Variants in ERBIN observed in about 807,000 individuals in gnomAD.
The protein encoded by ERBIN is erbb2 interacting protein.
A neutral mutation model predicts 158.4 loss-of-function variants in ERBIN; 60 were observed. That is an observed-to-expected ratio of 0.38 (90% CI 0.31 to 0.47). The LOEUF is 0.47. Among genes scored for constraint, ERBIN ranks in the 20% least tolerant of loss-of-function variants. The pLI, the probability that ERBIN is intolerant of heterozygous loss-of-function variation, is 0.99. For synonymous variants in ERBIN, 594 were observed against 557.2 expected (o/e 1.07, Z -0.93); for missense variants, 1,610 against 1,648.0 (o/e 0.98, Z 0.40).
chr5:65,967,901 C>T (rs769778884), intron 1 of ERBIN, among the ~76,000 whole-genome samples: 3 of 152,102 alleles, frequency 2.0e-5, no homozygotes, highest in Non-Finnish European at 2.9e-5. Flanking sequence ...AGAGCACCTG[C>T]GTGTGACTTC....
chr5:66,076,537 T>C (rs1175414026), intron 24 of ERBIN, 129 bp downstream of exon 24: 8 of 740,340 alleles, frequency 1.1e-5, no homozygotes, highest in Non-Finnish European at 1.8e-5. Flanking sequence ...TTCCCCACTC[T>C]ATTGCTTACC....
chr5:66,018,914 C>T (rs778225659), intron 7 of ERBIN, among the ~76,000 whole-genome samples: 2 of 151,830 alleles, frequency 1.3e-5, no homozygotes, highest in Admixed American at 6.6e-5. Context: ...GGATTACAGG[C>T]GTGAGCCAGT....
In ERBIN at chr5:65,992,826, A is replaced by C; in HGVS notation, c.108A>C (p.Gln36His). Residue 36 changes from glutamine (Q) to histidine (H), a missense_variant, in exon 3 of 26, where the codon CAA (glutamine) becomes CAC (histidine). Around this residue, in one of 2 missense-constraint regions of ERBIN, gnomAD observed 596 missense variants for 711.9 expected, o/e 0.84. Transcript: ENST00000284037. ...ATTATTCTCATTGCAGCTTAGAACA[A>C]GTTCCGAAAGAGATTTTTACTTTTG... is the stretch of plus-strand genomic sequence containing the variant. ...TLDYSHCSLE[Q>H]VPKEIFTFEK... is the part of the protein sequence containing the mutation. 6.2e-7 allele frequency: 1 copy of C among 1,613,700 alleles called. No homozygotes were observed. Among genetic ancestry groups the C allele is most frequent in the Non-Finnish European group, 8.5e-7 (1 of 1,179,796 alleles).
rs1161359727 is a variant in ERBIN at position 65,976,591 on chromosome 5, AT to A, written c.-57-12043del. On this transcript the variant is annotated intron_variant, in intron 1 of 25. Coordinates refer to ENST00000284037, the MANE Select transcript of ERBIN (RefSeq NM_001253697.2). ...GGGGATTTGGCAGGGTCACAGGACA[AT>A]AGTGAAGGGAAGGTCAGCAGATAAA... Among the ~76,000 whole-genome samples, 6 of 150,716 alleles carry A rather than the reference AT, an allele frequency of 4.0e-5. No homozygotes were observed. In the East Asian group the frequency reaches 9.7e-4, roughly 24 times the overall value.
At chr5:66,074,728 C>G (rs966384688) in intron 22 of ERBIN, among the ~76,000 whole-genome samples, 3 of 151,984 alleles carry the variant, frequency 2.0e-5, no homozygotes, top group Non-Finnish European at 4.4e-5. Context: ...TAAGAAAATA[C>G]AAGTGTAGCT....
In ERBIN at chr5:66,038,707, C is replaced by T. The variant is rs543353339; in HGVS notation, c.1306+225C>T. ...CTTAAATGATTCCTTTAAATTAAAC[C>T]GCAGTGTTAAAATTGATAACTTAAA... is the stretch of plus-strand genomic sequence containing the variant. On this transcript the variant is annotated intron_variant, in intron 15 of 25. Transcript: ENST00000284037. 6.6e-5 allele frequency among the ~76,000 whole-genome samples: 10 copies of T among 152,034 alleles called. No individual in the cohort carries two copies. In the South Asian group the frequency reaches 8.3e-4, roughly 13 times the overall value.
intron 2 of ERBIN, among the ~76,000 whole-genome samples, chr5:65,990,531 A>C (rs887305813): frequency 6.6e-6 from 1 of 151,944 alleles, no homozygotes; most frequent in Admixed American, 6.5e-5. Flanking sequence ...TTAGCTGGGC[A>C]TGGTGGCGGG....
intron 7 of ERBIN, among the ~76,000 whole-genome samples, chr5:66,017,211 A>G (rs1418842460): frequency 2.0e-5 from 3 of 152,110 alleles, no homozygotes; most frequent in African/African-American, 7.2e-5. Flanking sequence ...TATATACCCA[A>G]TAGTGGAATT....
chr5:66,022,450 G>A (rs181904797), intron 8 of ERBIN, among the ~76,000 whole-genome samples: 151 of 152,244 alleles, frequency 9.9e-4, no homozygotes, highest in Middle Eastern at 3.4e-3. Context: ...TTACATCTGG[G>A]ATTCTTATCT....
chr5:65,937,849 T>C (rs573551468), intron 1 of ERBIN, among the ~76,000 whole-genome samples: 2 of 152,210 alleles, frequency 1.3e-5, no homozygotes, highest in African/African-American at 2.4e-5. Context: ...GCGGAGCTTG[T>C]AGTGAGCCGA....
At chr5:65,951,781 A>G (rs1013881798) in intron 1 of ERBIN, among the ~76,000 whole-genome samples, 1 of 152,266 alleles carries the variant, frequency 6.6e-6, no homozygotes, top group Non-Finnish European at 1.5e-5. Flanking sequence ...TATATAAACT[A>G]TAACATTTAT....
At chr5:66,003,060 T>C (rs1419086834) in intron 4 of ERBIN, among the ~76,000 whole-genome samples, 2 of 152,236 alleles carry the variant, frequency 1.3e-5, no homozygotes, top group Admixed American at 1.3e-4. Context: ...TTATATCTGG[T>C]CCAAATCATA....
chr5:66,002,903 TGAAA>T (rs1158985222), intron 4 of ERBIN, among the ~76,000 whole-genome samples: 1 of 152,196 alleles, frequency 6.6e-6, no homozygotes, highest in Non-Finnish European at 1.5e-5. Context: ...TTTAAGATAA[TGAAA>T]GAAGGAAAAC....
chr5:66,054,588 T>A lies in ERBIN; in HGVS notation c.3270T>A (p.Asp1090Glu). ...CCACAGCCTCTGTAAATCTTGGTGA[T>A]CCAGGCTCTACAAGGCGGGCTCAGA... Reference protein sequence around the residue: ...VSSTASVNLGDPGSTRRAQIP... With the variant: ...VSSTASVNLGEPGSTRRAQIP... The change falls in exon 21 of 26, where the codon GAT (aspartate) becomes GAA (glutamate). Residue 1090 changes from aspartate (D) to glutamate (E), a missense_variant. By Grantham distance (45) the Asp-to-Glu change is conservative (BLOSUM62 2). Coordinates refer to ENST00000284037, the MANE Select transcript of ERBIN (RefSeq NM_001253697.2). The A allele has an allele frequency of 1.2e-6, 2 of 1,614,110 alleles. No homozygotes were observed. Among genetic ancestry groups the A allele is most frequent in the Non-Finnish European group, 1.7e-6 (2 of 1,180,004 alleles).
intron 14 of ERBIN, among the ~76,000 whole-genome samples, chr5:66,034,337 TG>T (rs1342312583): frequency 6.6e-6 from 1 of 151,934 alleles, no homozygotes; most frequent in African/African-American, 2.4e-5. Flanking sequence ...TCGCCCAGGC[TG>T]GGGTGCAGTG....
intron 15 of ERBIN, among the ~76,000 whole-genome samples, chr5:66,038,857 A>G (rs1016804884): frequency 1.6e-4 from 24 of 152,172 alleles, no homozygotes; most frequent in Middle Eastern, 3.4e-3. Flanking sequence ...GATCAGGATA[A>G]TCTGTTGAAC....
intron 10 of ERBIN, chr5:66,025,240 T>C (rs771863194): frequency 1.1e-4 from 51 of 462,980 alleles, no homozygotes; most frequent in Non-Finnish European, 1.8e-4. Context: ...CTACTATCAG[T>C]ATATTTTAGT....
chr5:66,041,075 G>A (rs1757877968), intron 15 of ERBIN, among the ~76,000 whole-genome samples: 3 of 151,882 alleles, frequency 2.0e-5, no homozygotes, highest in Non-Finnish European at 4.4e-5. Flanking sequence ...AGTGAAAGTT[G>A]CCTCTGGAAG....
chr5:66,012,162 G>T, intron 5 of ERBIN, 35 bp downstream of exon 5: 1 of 1,379,576 alleles, frequency 7.2e-7, no homozygotes, highest in Non-Finnish European at 1.0e-6. Flanking sequence ...TTACTTTTGT[G>T]AATAAAACAA....
Sources: allele counts gnomAD v4.1 joint callset (sites outside exome capture counted in the v4.1 genomes callset), GRCh38; gene constraint gnomAD v4.1.1; regional missense constraint gnomAD v4.1.1; transcripts MANE v1.5; gene names NCBI Gene and HGNC (gene_info 2026-07-23, HGNC 2026-07-21).